The following LRRC27 variants were observed in gnomAD, a reference collection of about 807,000 sequenced individuals.
LRRC27 encodes the protein leucine rich repeat containing 27.
LRRC27 carries 57 observed loss-of-function variants against 55.0 expected under a neutral mutation model. The observed-to-expected ratio is 1.04, with a 90% CI of 0.84 to 1.29. LRRC27 has a LOEUF of 1.29. Ranked by LOEUF, LRRC27 falls within the 50% of genes most tolerant of loss-of-function variation. The pLI is 0.00. For missense variants in LRRC27, 721 were observed against 651.5 expected (o/e 1.11, Z -1.16); for synonymous variants, 278 against 251.9 (o/e 1.10, Z -0.98).
chr10:132,331,618 G>A, upstream of LRRC27: 2 of 1,612,900 alleles, frequency 1.2e-6, no homozygotes, highest in Non-Finnish European at 8.5e-7. Flanking sequence ...CAGCGGGAAG[G>A]ACAGGCAGCG....
At chr10:132,333,397 C>T (rs2066927108) in intron 1 of LRRC27, 80 bp from the exon 2 acceptor site, 2 of 544,874 alleles carry the variant, frequency 3.7e-6, no homozygotes, top group African/African-American at 2.0e-5. Flanking sequence ...AGTTACATTA[C>T]AGTAGATCTG....
intron 3 of LRRC27, among the ~76,000 whole-genome samples, chr10:132,339,204 A>G (rs1052347758): frequency 6.6e-5 from 10 of 152,192 alleles, no homozygotes; most frequent in African/African-American, 2.4e-4. Context: ...CCCAGTTCCT[A>G]CGTGAGGAAT....
chr10:132,337,428 G>T (rs2067189500), intron 2 of LRRC27, 137 bp from the exon 3 acceptor site: 2 of 1,438,256 alleles, frequency 1.4e-6, no homozygotes, highest in African/African-American at 1.4e-5. Context: ...AAGGGTAAGA[G>T]ATTGGGTTTT....
intron 9 of LRRC27, among the ~76,000 whole-genome samples, chr10:132,362,732 C>T (rs1294235884): frequency 7.5e-4 from 18 of 23,856 alleles, no homozygotes; most frequent in African/African-American, 2.9e-3. Context: ...GGGTCCAGGG[C>T]TCACCCTTCT....
rs1458872208 is a variant in LRRC27 at position 132,374,715 on chromosome 10, T to C, written c.1417-351T>C. Among the ~76,000 whole-genome samples, 1 of 152,182 alleles carries C rather than the reference T, an allele frequency of 6.6e-6. No homozygotes were observed. The highest frequency in any genetic ancestry group is 1.5e-5 in the Non-Finnish European group (1 of 68,024). ...CCCGGGGTGTGGCATCAGCCTTCCC[T>C]TTGCCCACAGGACGATGCCCTGAGT... On this transcript the variant is annotated intron_variant, in intron 10 of 10. Transcript: ENST00000368614. The surrounding 1 kb of genome is among the most constrained non-coding windows in gnomAD (Gnocchi z 4.4).
At chr10:132,354,852 C>G (rs1189502199) in intron 7 of LRRC27, among the ~76,000 whole-genome samples, 1 of 152,184 alleles carries the variant, frequency 6.6e-6, no homozygotes, top group African/African-American at 2.4e-5. Context: ...GTACCAACCA[C>G]AGGAGTCCTG....
intron 9 of LRRC27, 133 bp from the exon 10 acceptor site, chr10:132,365,291 G>A (rs2069013776): frequency 1.6e-6 from 2 of 1,227,656 alleles, no homozygotes; most frequent in Non-Finnish European, 2.4e-6. Context: ...AACTGGCACA[G>A]CTGTGCGGGA....
intron 3 of LRRC27, among the ~76,000 whole-genome samples, chr10:132,338,706 C>CTTTATTTTTTTTTT (rs1564822775): frequency 6.7e-6 from 1 of 149,312 alleles, no homozygotes; most frequent in Non-Finnish European, 1.5e-5. Flanking sequence ...TCTTTTCTTT[C>CTTTATTTTTTTTTT]TTTCTTTTTT....
intron 6 of LRRC27, chr10:132,351,317 T>C (rs2067999040): frequency 5.7e-6 from 2 of 353,204 alleles, no homozygotes; most frequent in South Asian, 6.4e-5. Context: ...CTGCCGAGGC[T>C]GCACGTCCTT....
Position 132,342,281 on chromosome 10 carries a change from A to G in LRRC27, c.400+10A>G. The stretch of plus-strand genomic sequence containing the variant: ...TTACCTGTGGAGCTGGGTAAGTATA[A>G]AATAATAAAAAGATGATTTTAAAAT... On this transcript the variant is annotated intron_variant, in intron 4 of 10. Coordinates refer to ENST00000368614, the MANE Select transcript of LRRC27 (RefSeq NM_030626.3). 1 of 1,470,242 alleles carries G rather than the reference A, an allele frequency of 6.8e-7. No homozygotes were observed. The highest frequency in any genetic ancestry group is 9.2e-7 in the Non-Finnish European group (1 of 1,090,800). The allele number at this position is 1,470,242 out of a possible 1,614,324, so 91.1% of individuals were successfully genotyped here. A position where few individuals can be genotyped will look rare whatever the true frequency, so the allele number is the denominator to read the frequency against.
chr10:132,371,706 G>A (rs764708794), intron 10 of LRRC27, among the ~76,000 whole-genome samples: 6 of 152,342 alleles, frequency 3.9e-5, no homozygotes, highest in African/African-American at 9.6e-5. Flanking sequence ...TGTTCCGGCC[G>A]GCAGGATGTG....
intron 9 of LRRC27, among the ~76,000 whole-genome samples, chr10:132,364,626 C>G (rs1436656708): frequency 7.5e-6 from 1 of 132,870 alleles, no homozygotes; most frequent in Non-Finnish European, 1.6e-5. Flanking sequence ...CATCTACCTC[C>G]ACGCCCACAC....
intron 2 of LRRC27, chr10:132,337,116 A>C: frequency 8.2e-7 from 1 of 1,218,978 alleles, no homozygotes; most frequent in Middle Eastern, 3.3e-4. Context: ...TTTCATTTTA[A>C]TGATTGAGTT....
intron 9 of LRRC27, 107 bp from the exon 10 acceptor site, chr10:132,365,317 T>G: frequency 2.0e-6 from 3 of 1,464,906 alleles, no homozygotes; most frequent in Non-Finnish European, 2.8e-6. Context: ...AGGACCGCTG[T>G]TTGGTCTGGG....
chr10:132,361,360 G>C, intron 8 of LRRC27, 97 bp from the exon 9 acceptor site: 1 of 1,050,778 alleles, frequency 9.5e-7, no homozygotes, highest in Non-Finnish European at 1.5e-6. Flanking sequence ...CCACCTCTTC[G>C]TGGACGAGGA....
intron 10 of LRRC27, chr10:132,366,749 C>A: frequency 1.0e-6 from 1 of 960,098 alleles, no homozygotes. Context: ...GAGCACGCAG[C>A]ACTGTCACGG....
chr10:132,344,326 C>T (rs2067567513), intron 4 of LRRC27, among the ~76,000 whole-genome samples, 172 bp from the exon 5 acceptor site: 1 of 152,242 alleles, frequency 6.6e-6, no homozygotes, highest in South Asian at 2.1e-4. Flanking sequence ...CGGAATCCGT[C>T]TCCTGCAGAG....
intron 8 of LRRC27, among the ~76,000 whole-genome samples, chr10:132,359,558 G>C (rs2068512979): frequency 6.6e-6 from 1 of 152,228 alleles, no homozygotes; most frequent in South Asian, 2.1e-4. Flanking sequence ...CGGGCCTGGG[G>C]AATCATGGCC....
intron 9 of LRRC27, among the ~76,000 whole-genome samples, chr10:132,364,565 C>CTCCA (rs1564854082): frequency 1.6e-5 from 1 of 63,130 alleles, no homozygotes; most frequent in Non-Finnish European, 3.3e-5. Context: ...ACACTTACAC[C>CTCCA]CACGTCCACA....
Sources: gnomAD v4.1 joint callset for allele counts (sites outside exome capture counted in the v4.1 genomes callset) on GRCh38, gnomAD v4.1.1 for gene constraint, Gnocchi (gnomAD v3.1) non-coding constraint, MANE v1.5 for transcripts, NCBI Gene and HGNC (gene_info 2026-07-23, HGNC 2026-07-21) for gene names.